Variants in PHACTR1 observed in about 807,000 individuals in gnomAD.
The protein encoded by PHACTR1 is RPEL repeat containing 1.
A neutral mutation model predicts 69.2 loss-of-function variants in PHACTR1; 16 were observed. The ratio of observed to expected loss-of-function variants is 0.23; its 90% confidence interval spans 0.16 to 0.35. The LOEUF is 0.35. Among genes scored for constraint, PHACTR1 ranks in the 10% least tolerant of loss-of-function variants. The pLI, the probability that PHACTR1 is intolerant of heterozygous loss-of-function variation, is 1.00. For missense variants in PHACTR1, 510 were observed against 734.7 expected (o/e 0.69, Z 3.54); for synonymous variants, 312 against 284.5 (o/e 1.10, Z -0.97).
chr6:13,034,430 C>T (rs1802981125), intron 4 of PHACTR1, among the ~76,000 whole-genome samples: 1 of 152,304 alleles, frequency 6.6e-6, no homozygotes, highest in South Asian at 2.1e-4. Context: ...TGTTAAAGTA[C>T]TTAATATAGA....
chr6:12,742,668 A>C (rs545064233), intron 3 of PHACTR1, among the ~76,000 whole-genome samples: 2 of 152,118 alleles, frequency 1.3e-5, no homozygotes, highest in East Asian at 3.9e-4. Flanking sequence ...CTCCCTTTTT[A>C]CAAGAGAACC....
Position 12,903,725 on chromosome 6 carries a change from A to G in PHACTR1, c.251-149640A>G, listed in dbSNP as rs9349379. 0.33 allele frequency among the ~76,000 whole-genome samples: 49,560 copies of G among 152,212 alleles called. 10,085 individuals are homozygous for G. Among genetic ancestry groups the G allele is most frequent in the East Asian group, 0.67 (3,489 of 5,174 alleles). Reference sequence around the variant, plus strand: ...TCTATGCCCTTGAGATCATATAAAAATAGCTTAAAATCATTGGCCATAGTT... The same window carrying G: ...TCTATGCCCTTGAGATCATATAAAAGTAGCTTAAAATCATTGGCCATAGTT... On this transcript the variant is annotated intron_variant, in intron 4 of 14. Transcript: ENST00000332995.
intron 8 of PHACTR1, among the ~76,000 whole-genome samples, chr6:13,215,794 G>C (rs1767582681): frequency 6.6e-6 from 1 of 152,188 alleles, no homozygotes; most frequent in African/African-American, 2.4e-5. Flanking sequence ...TTTTGGAGAA[G>C]TAGAATGGCT....
intron 4 of PHACTR1, among the ~76,000 whole-genome samples, chr6:12,903,381 C>A (rs1785398427): frequency 6.6e-6 from 1 of 152,142 alleles, no homozygotes; most frequent in African/African-American, 2.4e-5. Flanking sequence ...AGCATTAGTC[C>A]AAATGTATCA....
At chr6:13,170,471 A>T (rs111521616) in intron 6 of PHACTR1, among the ~76,000 whole-genome samples, 163 of 152,258 alleles carry the variant, frequency 1.1e-3, no homozygotes, top group African/African-American at 3.7e-3. Flanking sequence ...CGGCCTTCCA[A>T]TGCTCTATTA....
chr6:12,856,550 C>T (rs570950104), intron 4 of PHACTR1, among the ~76,000 whole-genome samples: 1 of 152,304 alleles, frequency 6.6e-6, no homozygotes, highest in East Asian at 1.9e-4. Context: ...GCCACTGTGC[C>T]TGGCCCAAAT....
chr6:13,250,845 A>C (rs1341631187), intron 10 of PHACTR1, among the ~76,000 whole-genome samples: 1 of 152,226 alleles, frequency 6.6e-6, no homozygotes, highest in Non-Finnish European at 1.5e-5. Context: ...GGTGGTGCAC[A>C]AATGGAGTGT....
At chr6:12,732,467 C>T (rs1263863563) in intron 3 of PHACTR1, among the ~76,000 whole-genome samples, 2 of 152,090 alleles carry the variant, frequency 1.3e-5, no homozygotes, top group East Asian at 1.9e-4. Flanking sequence ...CCTCTAAGTT[C>T]CCTTCCCTCA....
At chr6:13,079,537 A>G (rs1051552686) in intron 5 of PHACTR1, among the ~76,000 whole-genome samples, 8 of 152,056 alleles carry the variant, frequency 5.3e-5, no homozygotes, top group African/African-American at 1.7e-4. Context: ...TCGCTACAGG[A>G]GACACGCAGA....
At chr6:13,110,173 G>GT (rs1434783986) in intron 5 of PHACTR1, among the ~76,000 whole-genome samples, 1 of 151,628 alleles carries the variant, frequency 6.6e-6, no homozygotes, top group Non-Finnish European at 1.5e-5. Context: ...TGTGGTTCAC[G>GT]TTTTCTTGTT....
intron 5 of PHACTR1, among the ~76,000 whole-genome samples, chr6:13,138,953 T>C (rs1188612088): frequency 2.6e-5 from 4 of 152,218 alleles, no homozygotes; most frequent in African/African-American, 9.7e-5. Flanking sequence ...GTTTCACATA[T>C]AAGCTTACGT....
intron 4 of PHACTR1, among the ~76,000 whole-genome samples, chr6:12,783,655 G>A (rs1282968635): frequency 6.6e-6 from 1 of 152,116 alleles, no homozygotes; most frequent in East Asian, 1.9e-4. Flanking sequence ...TTGCATGGTA[G>A]ATATTTTACA....
At chr6:12,947,360 T>C (rs1045709855) in intron 4 of PHACTR1, among the ~76,000 whole-genome samples, 7 of 150,796 alleles carry the variant, frequency 4.6e-5, no homozygotes, top group Non-Finnish European at 7.4e-5. Flanking sequence ...TTTTTTTCTG[T>C]GATGACAACA....
chr6:12,883,510 C>T (rs918503950), intron 4 of PHACTR1, among the ~76,000 whole-genome samples: 4 of 151,764 alleles, frequency 2.6e-5, no homozygotes, highest in Admixed American at 2.0e-4. Flanking sequence ...CCACCGTGCC[C>T]GTCCAAGCTT....
chr6:13,177,985 T>G (rs1170394890), intron 6 of PHACTR1, among the ~76,000 whole-genome samples: 1 of 152,240 alleles, frequency 6.6e-6, no homozygotes, highest in Non-Finnish European at 1.5e-5. Context: ...GTGTTAACTT[T>G]GACTCTCCTA....
At chr6:12,759,586 C>T (rs1767800439) in intron 4 of PHACTR1, among the ~76,000 whole-genome samples, 1 of 152,018 alleles carries the variant, frequency 6.6e-6, no homozygotes, top group African/African-American at 2.4e-5. Context: ...GGGCATGGGG[C>T]CACACTGATG....
intron 5 of PHACTR1, among the ~76,000 whole-genome samples, chr6:13,088,164 T>C (rs975147436): frequency 6.6e-6 from 1 of 152,152 alleles, no homozygotes; most frequent in South Asian, 2.1e-4. Context: ...AGAACTAATA[T>C]GTAGGACTTA....
rs1444369205 is a variant in PHACTR1 at position 13,275,768 on chromosome 6, A to T, written c.1448-2500A>T. 2 of 152,078 alleles carry T rather than the reference A, an allele frequency of 1.3e-5. No individual in the cohort carries two copies. The highest frequency in any genetic ancestry group is 1.3e-4 in the Admixed American group (2 of 15,270). 9.4% of individuals were successfully genotyped at this position (152,078 alleles called of 1,614,324 possible). On this transcript the variant is annotated intron_variant, in intron 11 of 14. Transcript: ENST00000332995. The surrounding 1 kb of genome is among the most constrained non-coding windows in gnomAD (Gnocchi z 4.0). The stretch of plus-strand genomic sequence containing the variant: ...GGCCCTAGTATTCTGTGCTTCTGTA[A>T]ATTTTCACCGTGTGCCCTCTAGCTG...
intron 12 of PHACTR1, chr6:13,281,125 A>G (rs1380083737): frequency 1.5e-5 from 19 of 1,288,988 alleles, no homozygotes; most frequent in Non-Finnish European, 1.8e-5. Flanking sequence ...GACCTGCAGC[A>G]TTTATGCTTA....
Sources: allele counts gnomAD v4.1 joint callset (sites outside exome capture counted in the v4.1 genomes callset), GRCh38; gene constraint gnomAD v4.1.1; non-coding constraint Gnocchi (gnomAD v3.1); transcripts MANE v1.5; gene names NCBI Gene and HGNC (gene_info 2026-07-23, HGNC 2026-07-21).